The following ARB2A variants were observed in gnomAD, a reference collection of about 807,000 sequenced individuals.
ARB2A encodes cotranscriptional regulator ARB2A.
At chr5:93,924,062 T>C in the ARB2A span, among the ~76,000 whole-genome samples, 1 of 152,072 alleles carries the variant, frequency 6.6e-6, no homozygotes, top group Non-Finnish European at 1.5e-5. Flanking sequence ...GCCTTCAAAT[T>C]ATATTTGAAA....
the ARB2A span, among the ~76,000 whole-genome samples, chr5:93,790,390 C>G: frequency 0.087 from 13,260 of 152,244 alleles, 786 homozygotes; most frequent in Middle Eastern, 0.17. Context: ...CACTTAATGA[C>G]AAATATTACT....
At chr5:93,705,256 A>G in the ARB2A span, among the ~76,000 whole-genome samples, 1 of 152,206 alleles carries the variant, frequency 6.6e-6, no homozygotes, top group African/African-American at 2.4e-5. Context: ...AGTTAACCAT[A>G]GGCCAAAATC....
the ARB2A span, among the ~76,000 whole-genome samples, chr5:93,626,367 T>C: frequency 1.3e-5 from 2 of 152,096 alleles, no homozygotes; most frequent in African/African-American, 4.8e-5. Flanking sequence ...ACAATCTGAG[T>C]TGTAGAGTAA....
chr5:93,778,500 C>A, the ARB2A span, among the ~76,000 whole-genome samples: 1 of 152,138 alleles, frequency 6.6e-6, no homozygotes, highest in Non-Finnish European at 1.5e-5. Flanking sequence ...TAAAAATAGG[C>A]TCCCAATGAT....
At chr5:93,697,214 A>G in the ARB2A span, among the ~76,000 whole-genome samples, 1 of 151,682 alleles carries the variant, frequency 6.6e-6, no homozygotes, top group Admixed American at 6.6e-5. Flanking sequence ...TTTTTTAATG[A>G]GATAGGTTCA....
At chr5:93,880,956 T>C in the ARB2A span, among the ~76,000 whole-genome samples, 1 of 151,754 alleles carries the variant, frequency 6.6e-6, no homozygotes, top group African/African-American at 2.4e-5. Context: ...TGAGACACTG[T>C]AGATAGTTGC....
the ARB2A span, among the ~76,000 whole-genome samples, chr5:93,709,653 A>C: frequency 2.0e-5 from 3 of 149,694 alleles, no homozygotes; most frequent in South Asian, 2.1e-4. Flanking sequence ...AAAAAAAAAA[A>C]AAAACCATAA....
chr5:94,063,131 C>A, the ARB2A span, among the ~76,000 whole-genome samples: 2 of 152,062 alleles, frequency 1.3e-5, no homozygotes, highest in African/African-American at 2.4e-5. Context: ...CCCCGCCTAC[C>A]AGAGCCAAGG....
chr5:93,736,934 G>A, the ARB2A span: 1 of 152,050 alleles, frequency 6.6e-6, no homozygotes, highest in Admixed American at 6.6e-5. Context: ...ATACAACACA[G>A]TACTACACAT....
chr5:93,968,699 T>C, the ARB2A span, among the ~76,000 whole-genome samples: 1 of 151,820 alleles, frequency 6.6e-6, no homozygotes, highest in African/African-American at 2.4e-5. Flanking sequence ...TAAAAAGTAA[T>C]AGATCCAGGA....
chr5:93,714,053 A>G, the ARB2A span, among the ~76,000 whole-genome samples: 1 of 152,202 alleles, frequency 6.6e-6, no homozygotes, highest in Non-Finnish European at 1.5e-5. Context: ...AGGATGCTGG[A>G]AAAATATATT....
chr5:93,693,597 G>T, the ARB2A span, among the ~76,000 whole-genome samples: 1 of 152,030 alleles, frequency 6.6e-6, no homozygotes, highest in African/African-American at 2.4e-5. Context: ...TCCAGGACCA[G>T]ATGGATTCAC....
chr5:93,788,994 T>C, the ARB2A span, among the ~76,000 whole-genome samples: 18 of 152,228 alleles, frequency 1.2e-4, no homozygotes, highest in Admixed American at 1.1e-3. Context: ...AATTACTTCT[T>C]ATATTTTAAA....
chr5:93,828,746 C>T, the ARB2A span, among the ~76,000 whole-genome samples: 1 of 152,156 alleles, frequency 6.6e-6, no homozygotes, highest in African/African-American at 2.4e-5. Context: ...TATTTTCTCA[C>T]TGTTCCCAGA....
the ARB2A span, among the ~76,000 whole-genome samples, chr5:93,898,836 G>A: frequency 1.3e-5 from 2 of 152,026 alleles, no homozygotes; most frequent in African/African-American, 2.4e-5. Flanking sequence ...AGCACTTACT[G>A]ATTGCTTACC....
chr5:94,053,178 C>T, the ARB2A span: 17 of 1,597,898 alleles, frequency 1.1e-5, 1 homozygote, highest in Admixed American at 8.6e-5. Flanking sequence ...AATCAAGAGG[C>T]GGTTCATCTT....
At chr5:93,904,140 G>C in the ARB2A span, among the ~76,000 whole-genome samples, 1 of 151,852 alleles carries the variant, frequency 6.6e-6, no homozygotes, top group Admixed American at 6.6e-5. Flanking sequence ...TAGACTAAAG[G>C]GAATAGCAGT....
the ARB2A span, among the ~76,000 whole-genome samples, chr5:93,955,449 A>G: frequency 6.6e-6 from 1 of 152,242 alleles, no homozygotes; most frequent in African/African-American, 2.4e-5. Flanking sequence ...AATAATAGCA[A>G]GAATATTATA....
chr5:94,007,362 C>G, the ARB2A span, among the ~76,000 whole-genome samples: 3 of 152,098 alleles, frequency 2.0e-5, no homozygotes, highest in African/African-American at 7.2e-5. Context: ...AAATAATAAA[C>G]TTACACAATA....
Sources: gnomAD v4.1 joint callset for allele counts (sites outside exome capture counted in the v4.1 genomes callset) on GRCh38, gnomAD v4.1.1 for gene constraint, MANE v1.5 for transcripts, NCBI Gene and HGNC (gene_info 2026-07-23, HGNC 2026-07-21) for gene names.